PPP2R2C: variants seen among roughly 807,000 people sequenced by gnomAD.
The protein encoded by PPP2R2C is protein phosphatase 2 regulatory subunit Bgamma, also known as protein phosphatase 2, regulatory subunit B, gamma.
Under a neutral mutation model 45.3 loss-of-function variants are expected in PPP2R2C, and 10 were observed. The observed-to-expected ratio is 0.22, with a 90% CI of 0.14 to 0.37. PPP2R2C has a LOEUF of 0.37. PPP2R2C is among the 10% of genes least tolerant of loss of function. The pLI, the probability that PPP2R2C is intolerant of heterozygous loss-of-function variation, is 1.00. For missense variants in PPP2R2C, 308 were observed against 619.7 expected, an observed-to-expected ratio of 0.50 and a Z score of 5.34; for synonymous variants, 257 against 245.4, an observed-to-expected ratio of 1.05 and a Z score of -0.44.
rs1159978620 is a variant in PPP2R2C at position 6,368,777 on chromosome 4, T to C, written c.625+3746A>G. ...TCTCACTCTCTCTCCCCGGGTCTCC[T>C]TGCTGGTTCCCAAGCCGCCAGCCTT... On this transcript the variant is annotated intron_variant, in intron 5 of 8. Transcript: ENST00000382599. This position sits in a 1 kb window ranked among gnomAD's most constrained non-coding sequence, Gnocchi z 4.2. 1.3e-5 allele frequency among the ~76,000 whole-genome samples: 2 copies of C among 152,112 alleles called. No homozygotes were observed. Among genetic ancestry groups the C allele is most frequent in the Non-Finnish European group, 2.9e-5 (2 of 68,016 alleles).
intron 1 of PPP2R2C, among the ~76,000 whole-genome samples, chr4:6,547,486 C>T (rs1725024890): frequency 6.6e-6 from 1 of 152,076 alleles, no homozygotes; most frequent in African/African-American, 2.4e-5. Flanking sequence ...TGCCTTCTGG[C>T]GGGATGCACT....
intron 1 of PPP2R2C, among the ~76,000 whole-genome samples, chr4:6,550,178 C>G (rs931961669): frequency 3.9e-5 from 6 of 152,140 alleles, no homozygotes; most frequent in Non-Finnish European, 8.8e-5. Context: ...CCCCGTCCCC[C>G]ACTGGTGGAA....
chr4:6,555,929 G>T (rs1206703921), intron 1 of PPP2R2C, among the ~76,000 whole-genome samples: 1 of 152,122 alleles, frequency 6.6e-6, no homozygotes, highest in Non-Finnish European at 1.5e-5. Flanking sequence ...CTGGAGAGTT[G>T]AAGGCCATAT....
chr4:6,446,880 A>G (rs1378370400), intron 1 of PPP2R2C, among the ~76,000 whole-genome samples: 3 of 59,040 alleles, frequency 5.1e-5, no homozygotes, highest in Non-Finnish European at 8.2e-5. Context: ...GTCTGCTTGT[A>G]AAAAAAAAAA....
At chr4:6,421,045 A>T in intron 1 of PPP2R2C, 4 of 985,126 alleles carry the variant, frequency 4.1e-6, no homozygotes, top group Non-Finnish European at 4.8e-6. Context: ...CTTTGTGTGC[A>T]CCCTTCTTCC....
chr4:6,497,413 C>T (rs190015164), intron 2 of PPP2R2C, among the ~76,000 whole-genome samples: 1 of 152,012 alleles, frequency 6.6e-6, no homozygotes, highest in African/African-American at 2.4e-5. Context: ...TGTTCCAGAC[C>T]AGTGGGAACA....
intron 1 of PPP2R2C, among the ~76,000 whole-genome samples, chr4:6,424,828 T>C (rs558430725): frequency 3.9e-5 from 6 of 152,272 alleles, no homozygotes; most frequent in African/African-American, 1.2e-4. Flanking sequence ...TCAGAGTCTA[T>C]TTCTTGGAGG....
rs369542799 is a variant in PPP2R2C at position 6,329,309 on chromosome 4, G to A, written c.1005C>T (p.Asn335=). 366 of 1,614,092 alleles carry A rather than the reference G, an allele frequency of 2.3e-4. No individual in the cohort carries two copies. The highest frequency in any genetic ancestry group is 2.8e-4 in the Non-Finnish European group (330 of 1,180,032). ...LRSKLCSLYE[N]DCIFDKFECA... is the part of the protein sequence containing the mutation. Reference sequence around the variant, plus strand: ...ATTCAAACTTGTCGAAAATGCAGTCGTTCTCGTACAGGGAACAGAGCTTGC... The same window carrying A: ...ATTCAAACTTGTCGAAAATGCAGTCATTCTCGTACAGGGAACAGAGCTTGC... Residue 335 remains asparagine, a synonymous_variant, in exon 8 of 9, where the codon AAC becomes AAT. Coordinates refer to ENST00000382599, the MANE Select transcript of PPP2R2C (RefSeq NM_020416.4). The surrounding 1 kb of genome is among the most constrained non-coding windows in gnomAD (Gnocchi z 5.8).
intron 1 of PPP2R2C, among the ~76,000 whole-genome samples, chr4:6,441,901 G>A (rs771572538): frequency 1.1e-4 from 16 of 152,148 alleles, no homozygotes; most frequent in Non-Finnish European, 2.1e-4. Flanking sequence ...AAATGCCTGG[G>A]GCATGGCAGC....
chr4:6,442,198 G>T (rs1001242976), intron 1 of PPP2R2C, among the ~76,000 whole-genome samples: 10 of 152,232 alleles, frequency 6.6e-5, no homozygotes, highest in Non-Finnish European at 1.2e-4. Context: ...TGCTGTCTCA[G>T]CACACAGGCC....
chr4:6,497,404 G>A (rs1223332631), intron 2 of PPP2R2C, among the ~76,000 whole-genome samples: 3 of 152,100 alleles, frequency 2.0e-5, no homozygotes, highest in African/African-American at 7.2e-5. Context: ...CAGAGAGGAT[G>A]TTCCAGACCA....
intron 1 of PPP2R2C, among the ~76,000 whole-genome samples, chr4:6,463,416 C>T (rs574545362): frequency 2.6e-4 from 40 of 152,362 alleles, no homozygotes; most frequent in Non-Finnish European, 4.4e-4. Flanking sequence ...CCTTGGCCTG[C>T]AGTTGGAGAT....
intron 1 of PPP2R2C, chr4:6,413,884 C>G: frequency 6.5e-7 from 1 of 1,536,048 alleles, no homozygotes; most frequent in Non-Finnish European, 8.7e-7. Context: ...TCTCATGATG[C>G]CCCACAGCCC....
chr4:6,403,381 G>A (rs1345185302), intron 1 of PPP2R2C, among the ~76,000 whole-genome samples: 3 of 152,124 alleles, frequency 2.0e-5, no homozygotes, highest in Admixed American at 6.5e-5. Context: ...TGCCCCCTAG[G>A]TGTTTTTATT....
upstream of PPP2R2C, among the ~76,000 whole-genome samples, chr4:6,473,576 T>G (rs114852610): frequency 4.6e-4 from 70 of 152,294 alleles, no homozygotes; most frequent in African/African-American, 1.7e-3. Flanking sequence ...GAGGGGTAAG[T>G]GCAGTGGGGT....
intron 2 of PPP2R2C, among the ~76,000 whole-genome samples, chr4:6,480,415 T>C (rs985170364): frequency 6.6e-6 from 1 of 152,222 alleles, no homozygotes; most frequent in African/African-American, 2.4e-5. Flanking sequence ...GATGTCACGA[T>C]GGTAGCTAGA....
intron 6 of PPP2R2C, among the ~76,000 whole-genome samples, chr4:6,346,931 TAAG>T (rs1712013413): frequency 6.6e-6 from 1 of 152,178 alleles, no homozygotes; most frequent in Non-Finnish European, 1.5e-5. Context: ...GGGAACCAGA[TAAG>T]CAAAGTCCCT....
rs531663617 is a variant in PPP2R2C, at chr4:6,400,014, G to A, written c.71-18920C>T. ...CTTTAATGATCCTGAGTCAATGCAT[G>A]TGAATGCATTGAAGTCTCTTGGGGT... On this transcript the variant is annotated intron_variant, in intron 1 of 8. Transcript: ENST00000382599. Among the ~76,000 whole-genome samples the A allele has an allele frequency of 2.4e-4, 37 of 152,346 alleles. No individual in the cohort carries two copies. The East Asian group carries it at 7.1e-3, about 29-fold the overall frequency.
intron 2 of PPP2R2C, among the ~76,000 whole-genome samples, chr4:6,493,129 A>C (rs924121698): frequency 2.0e-5 from 3 of 152,028 alleles, no homozygotes; most frequent in Non-Finnish European, 4.4e-5. Context: ...TTTGCACAAG[A>C]CTTGACTCAA....
Sources: gnomAD v4.1 joint callset for allele counts (sites outside exome capture counted in the v4.1 genomes callset) on GRCh38, gnomAD v4.1.1 for gene constraint, Gnocchi (gnomAD v3.1) non-coding constraint, MANE v1.5 for transcripts, NCBI Gene and HGNC (gene_info 2026-07-23, HGNC 2026-07-21) for gene names.